Variants in PARP15 observed in about 807,000 individuals in gnomAD.
PARP15 encodes the protein poly(ADP-ribose) polymerase family member 15.
In PARP15, 50 loss-of-function variants were observed where a neutral mutation model predicts 62.1. The ratio of observed to expected loss-of-function variants is 0.81; its 90% CI spans 0.64 to 1.02. The LOEUF (loss-of-function observed/expected upper bound fraction) is 1.02, where lower values mean the gene tolerates loss of function less well. Among genes scored for constraint, PARP15 ranks in the 50% least tolerant of loss-of-function variants. The pLI is 0.00. For synonymous variants in PARP15, 309 were observed against 293.1 expected (o/e 1.05, Z -0.55); for missense variants, 820 against 826.5 (o/e 0.99, Z 0.10).
chr3:122,611,942 G>C (rs1288401786), intron 3 of PARP15, among the ~76,000 whole-genome samples: 13 of 152,038 alleles, frequency 8.6e-5, no homozygotes, highest in Admixed American at 8.5e-4. Context: ...TTGAACTCCC[G>C]ACTTCAGGTG....
chr3:122,622,012 T>C (rs937418003), intron 8 of PARP15, among the ~76,000 whole-genome samples: 2 of 152,208 alleles, frequency 1.3e-5, no homozygotes, highest in Non-Finnish European at 2.9e-5. Context: ...TTGCCCACGC[T>C]GGTCTCAAAC....
Position 122,587,246 on chromosome 3 carries a change from T to C in PARP15, c.186+9393T>C, listed in dbSNP as rs1933518592. 2.0e-5 allele frequency among the ~76,000 whole-genome samples: 3 copies of C among 152,270 alleles called. No homozygotes were observed. In the South Asian group the frequency reaches 6.2e-4, roughly 31 times the overall value. On this transcript the variant is annotated intron_variant, in intron 1 of 11. Transcript: ENST00000464300. ...AAGCTTTGGCAATTATGAATAAAGC[T>C]GCTATAAATATTTATGTGCAGATTT...
chr3:122,577,940 A>G, intron 1 of PARP15, 87 bp downstream of exon 1: 1 of 1,374,954 alleles, frequency 7.3e-7, no homozygotes, highest in South Asian at 1.5e-5. Flanking sequence ...GCGGGCGCAG[A>G]GACCCCACGC....
chr3:122,577,892 A>C (rs1048415865), intron 1 of PARP15, 39 bp downstream of exon 1: 1 of 1,495,506 alleles, frequency 6.7e-7, no homozygotes, highest in Non-Finnish European at 8.9e-7. Flanking sequence ...AGGGGACAGC[A>C]GGGCTGAGCC....
intron 1 of PARP15, among the ~76,000 whole-genome samples, chr3:122,602,364 G>A (rs138762794): frequency 0.016 from 2,408 of 152,224 alleles, 67 homozygotes; most frequent in African/African-American, 0.053. Context: ...CCCTAGGAGG[G>A]ACAAATGCTG....
At position 122,619,836 on chromosome 3, in the gene PARP15, TGTACTAG is replaced by T; in HGVS notation, c.1060_1063+3del. On this transcript the variant is annotated frameshift_variant and splice_region_variant, in exon 7 of 12. Transcript: ENST00000464300. LOFTEE classifies it high-confidence loss of function. ...GACAAGCTGTGGAAAGTGAATGTGC[TGTACTAG>T]GTATGGGCACATGTTACTTTTGACT... is the stretch of plus-strand genomic sequence containing the variant. 5 of 1,612,750 alleles carry T rather than the reference TGTACTAG, an allele frequency of 3.1e-6. No individual in the cohort carries two copies. Among genetic ancestry groups the T allele is most frequent in the Non-Finnish European group, 3.4e-6 (4 of 1,178,712 alleles).
At chr3:122,626,729 G>C (rs1936751052) in intron 8 of PARP15, 98 bp from the exon 9 acceptor site, 1 of 1,066,884 alleles carries the variant, frequency 9.4e-7, no homozygotes. Context: ...GGCTGTGAGG[G>C]GCTTTCCTGT....
chr3:122,605,711 C>T (rs909567955), intron 1 of PARP15, among the ~76,000 whole-genome samples: 1 of 151,994 alleles, frequency 6.6e-6, no homozygotes, highest in Non-Finnish European at 1.5e-5. Context: ...GTAGTGGGCA[C>T]TACAGGCACA....
intron 3 of PARP15, 38 bp from the exon 4 acceptor site, chr3:122,613,003 A>G: frequency 6.7e-7 from 1 of 1,500,022 alleles, no homozygotes; most frequent in South Asian, 1.2e-5. Flanking sequence ...CCGCTAGCTT[A>G]AGCCCTAACT....
Position 122,637,713 on chromosome 3 carries a change from T to C in PARP15, c.*1613T>C, listed in dbSNP as rs1937444250. 2 of 152,204 alleles carry C rather than the reference T, an allele frequency of 1.3e-5. No individual in the cohort carries two copies. The highest frequency in any genetic ancestry group is 2.9e-5 in the Non-Finnish European group (2 of 68,034). The allele number at this position is 152,204 out of a possible 1,614,324, so 9.4% of individuals were successfully genotyped here. ...AATTTCTCATGTCTCCCTTCCAGTT[T>C]CTTCTCTGTCCAAATTCAACAAAGT... On this transcript the variant is annotated 3_prime_UTR_variant, in exon 12 of 12. Transcript: ENST00000464300.
intron 1 of PARP15, among the ~76,000 whole-genome samples, chr3:122,604,124 A>C (rs1934998564): frequency 6.6e-6 from 1 of 152,218 alleles, no homozygotes; most frequent in African/African-American, 2.4e-5. Flanking sequence ...AGATTCCATG[A>C]AGAGTAGAAC....
At chr3:122,621,303 C>T (rs1396438046) in intron 7 of PARP15, 141 bp from the exon 8 acceptor site, 1 of 799,668 alleles carries the variant, frequency 1.3e-6, no homozygotes, top group East Asian at 2.7e-5. Flanking sequence ...TGTCACAGTC[C>T]AGTGAATGAA....
At chr3:122,618,910 C>G (rs1206227197) in intron 6 of PARP15, among the ~76,000 whole-genome samples, 1 of 152,178 alleles carries the variant, frequency 6.6e-6, no homozygotes, top group Admixed American at 6.5e-5. Flanking sequence ...TAGGAATGGA[C>G]TGGTGAAGAT....
intron 3 of PARP15, among the ~76,000 whole-genome samples, chr3:122,612,292 C>A (rs116740755): frequency 0.038 from 5,668 of 148,286 alleles, 360 homozygotes; most frequent in African/African-American, 0.13. Flanking sequence ...AGGACTCAAG[C>A]GATCTGCCCA....
chr3:122,619,281 C>T lies in PARP15; in HGVS notation c.1001-500C>T, dbSNP rs559854844. ...TGCAAAGTCCATATTTTTAACGACT[C>T]GACCCAGCTGTCATTAGACTTGACC... On this transcript the variant is annotated intron_variant, in intron 6 of 11. Coordinates refer to ENST00000464300, the MANE Select transcript of PARP15 (RefSeq NM_001113523.3). 7.2e-5 allele frequency among the ~76,000 whole-genome samples: 11 copies of T among 152,276 alleles called. No individual in the cohort carries two copies. The East Asian group carries it at 1.5e-3, about 21-fold the overall frequency.
At chr3:122,578,883 A>G (rs1428466694) in intron 1 of PARP15, among the ~76,000 whole-genome samples, 1 of 152,184 alleles carries the variant, frequency 6.6e-6, no homozygotes, top group Non-Finnish European at 1.5e-5. Flanking sequence ...AATGTATATG[A>G]TATTAAATTG....
intron 5 of PARP15, among the ~76,000 whole-genome samples, chr3:122,616,298 C>T (rs553319714): frequency 6.8e-4 from 102 of 148,946 alleles, no homozygotes; most frequent in African/African-American, 2.3e-3. Context: ...AATATGCCAA[C>T]AGGTTAAAGG....
rs1364232072 is a variant in PARP15, at chr3:122,613,100, A to G, written c.603A>G (p.Ser201=). The change falls in exon 4 of 12, where the codon TCA becomes TCG. Residue 201 remains serine, a synonymous_variant. Coordinates refer to ENST00000464300, the MANE Select transcript of PARP15 (RefSeq NM_001113523.3). ...CTGTAGAAGTGCTATCTTTCTCATC[A>G]ATCACATTTCCCATGATTGGAACAG... is the stretch of plus-strand genomic sequence containing the variant. The part of the protein sequence containing the change: ...LTTVEVLSFS[S]ITFPMIGTGS... The G allele has an allele frequency of 1.3e-6, 2 of 1,551,856 alleles. No homozygotes were observed. The highest frequency in any genetic ancestry group is 1.7e-6 in the Non-Finnish European group (2 of 1,147,022).
At chr3:122,616,178 G>A (rs1559970120) in intron 5 of PARP15, among the ~76,000 whole-genome samples, 1 of 152,160 alleles carries the variant, frequency 6.6e-6, no homozygotes, top group South Asian at 2.1e-4. Flanking sequence ...CCCCGTGGCA[G>A]GTGGTTCTGT....
Sources: gnomAD v4.1 joint callset for allele counts (sites outside exome capture counted in the v4.1 genomes callset) on GRCh38, gnomAD v4.1.1 for gene constraint, MANE v1.5 for transcripts, NCBI Gene and HGNC (gene_info 2026-07-23, HGNC 2026-07-21) for gene names.